The following ADGRV1 variants were observed in gnomAD, a reference collection of about 807,000 sequenced individuals.
ADGRV1 encodes the protein G-protein coupled receptor 98.
In ADGRV1, 359 loss-of-function variants were observed where a neutral mutation model predicts 596.2. The ratio of observed to expected loss-of-function variants is 0.60; its 90% confidence interval spans 0.55 to 0.66. The LOEUF (loss-of-function observed/expected upper bound fraction) is 0.66, where lower values mean the gene tolerates loss of function less well. ADGRV1 is among the 30% of genes least tolerant of loss of function. The pLI, the probability that ADGRV1 is intolerant of heterozygous loss-of-function variation, is 0.00. For synonymous variants in ADGRV1, 2,681 were observed against 2,679.2 expected (o/e 1.00, Z -0.02); for missense variants, 7,274 against 7,575.6 (o/e 0.96, Z 1.48).
intron 85 of ADGRV1, among the ~76,000 whole-genome samples, chr5:91,023,299 T>C (rs950233082): frequency 7.2e-5 from 11 of 152,076 alleles, no homozygotes; most frequent in African/African-American, 2.7e-4. Context: ...AAGATTAATC[T>C]GCAGCTATTC....
rs1295768594 is a variant in ADGRV1, at chr5:90,716,803, A to T, written c.9447+74A>T. On this transcript the variant is annotated intron_variant, in intron 43 of 89. Coordinates refer to ENST00000405460, the MANE Select transcript of ADGRV1 (RefSeq NM_032119.4). ...CAAAATAAATTTCTCTTAGATGAGC[A>T]CTCAAGTCCTAGAATGAAAAAACAA... 2.8e-6 allele frequency: 3 copies of T among 1,074,270 alleles called. No homozygotes were observed. In the East Asian group the frequency reaches 7.1e-5, roughly 26 times the overall value. The allele number at this position is 1,074,270 out of a possible 1,614,324, so 66.5% of individuals were successfully genotyped here.
intron 1 of ADGRV1, among the ~76,000 whole-genome samples, chr5:90,581,699 T>C (rs1427163918): frequency 3.3e-5 from 5 of 152,196 alleles, no homozygotes; most frequent in Non-Finnish European, 7.3e-5. Context: ...CACACGGGGC[T>C]CTGGCACCCA....
chr5:90,897,343 C>T (rs1771429301), intron 83 of ADGRV1, among the ~76,000 whole-genome samples: 1 of 152,048 alleles, frequency 6.6e-6, no homozygotes, highest in Admixed American at 6.5e-5. Flanking sequence ...AGATTTTTTA[C>T]CCTTACCTGC....
intron 85 of ADGRV1, among the ~76,000 whole-genome samples, 155 bp from the exon 86 acceptor site, chr5:91,072,292 T>A (rs956619651): frequency 6.6e-6 from 1 of 152,184 alleles, no homozygotes; most frequent in African/African-American, 2.4e-5. Context: ...TCAGATGTTG[T>A]ACTCAAACAA....
chr5:90,692,614 G>T lies in ADGRV1; in HGVS notation c.6961G>T (p.Val2321Leu). Residue 2321 changes from valine to leucine, a missense_variant, in exon 32 of 90, where the codon GTG becomes TTG. This residue lies in a region of ADGRV1 where 3,643 missense variants were observed against 3,809.2 expected (regional missense o/e 0.96). Transcript: ENST00000405460. ...DVPEIEEVIQ[V>L]QLTDASGGGT... ...TTCACTGTATTTTTAGGTTATCCAA[G>T]TGCAACTAACTGATGCCTCTGGTGG... 1 of 1,606,938 alleles carries T rather than the reference G, an allele frequency of 6.2e-7. No homozygotes were observed.
intron 86 of ADGRV1, among the ~76,000 whole-genome samples, chr5:91,090,371 A>G (rs1030144416): frequency 3.9e-5 from 6 of 152,082 alleles, no homozygotes; most frequent in African/African-American, 1.4e-4. Context: ...AAAATTATAT[A>G]TAGCTTTTGC....
intron 78 of ADGRV1, among the ~76,000 whole-genome samples, chr5:90,842,653 G>C (rs1765534098): frequency 6.6e-6 from 1 of 152,098 alleles, no homozygotes; most frequent in South Asian, 2.1e-4. Flanking sequence ...AGGAGGTGGA[G>C]GTTGCAGTGA....
intron 87 of ADGRV1, among the ~76,000 whole-genome samples, chr5:91,123,760 A>G (rs974812932): frequency 2.6e-5 from 4 of 152,204 alleles, no homozygotes; most frequent in African/African-American, 7.2e-5. Flanking sequence ...TAATTTATCT[A>G]TTCTGTTGCA....
chr5:90,585,998 T>C (rs921260599), intron 1 of ADGRV1, among the ~76,000 whole-genome samples: 2 of 152,218 alleles, frequency 1.3e-5, no homozygotes, highest in Non-Finnish European at 2.9e-5. Context: ...ACAATAACTC[T>C]TTCTCCAGCT....
At chr5:91,052,244 C>A (rs568575044) in intron 85 of ADGRV1, among the ~76,000 whole-genome samples, 47 of 151,006 alleles carry the variant, frequency 3.1e-4, no homozygotes, top group African/African-American at 1.1e-3. Context: ...GACATCAAAT[C>A]TTAGGTTGTG....
chr5:90,670,722 A>G (rs1772334941), intron 21 of ADGRV1, among the ~76,000 whole-genome samples: 1 of 152,198 alleles, frequency 6.6e-6, no homozygotes, highest in Non-Finnish European at 1.5e-5. Context: ...CTGAATGTCC[A>G]AACAGCAAGC....
At chr5:91,079,414 G>GA (rs1562189345) in intron 86 of ADGRV1, among the ~76,000 whole-genome samples, 1 of 152,090 alleles carries the variant, frequency 6.6e-6, no homozygotes, top group African/African-American at 2.4e-5. Context: ...CTCAATCCTC[G>GA]AAGATTCATA....
intron 26 of ADGRV1, among the ~76,000 whole-genome samples, chr5:90,679,857 A>G (rs1744708559): frequency 6.6e-6 from 1 of 152,136 alleles, no homozygotes; most frequent in East Asian, 1.9e-4. Flanking sequence ...TCCAAAACCC[A>G]GACTCTCCTT....
chr5:90,851,134 T>TGTGTGTGTGTGTGTGTGAGAGAGA (rs757909771), intron 79 of ADGRV1, among the ~76,000 whole-genome samples: 25 of 81,504 alleles, frequency 3.1e-4, no homozygotes, highest in Non-Finnish European at 5.8e-4. Flanking sequence ...TGTGTGTGTG[T>TGTGTGTGTGTGTGTGTGAGAGAGA]GAGAGAGAGA....
At chr5:90,818,915 T>A (rs1011359607) in intron 75 of ADGRV1, among the ~76,000 whole-genome samples, 2 of 150,556 alleles carry the variant, frequency 1.3e-5, no homozygotes, top group African/African-American at 4.9e-5. Context: ...GGTATCAGAA[T>A]GATGCTGGCC....
intron 38 of ADGRV1, among the ~76,000 whole-genome samples, chr5:90,707,537 T>A (rs548915491): frequency 3.2e-4 from 48 of 152,290 alleles, no homozygotes; most frequent in Non-Finnish European, 6.0e-4. Context: ...TGACCTAATA[T>A]AACAGTATAA....
chr5:91,064,052 G>T (rs956962170), intron 85 of ADGRV1, among the ~76,000 whole-genome samples: 15 of 152,134 alleles, frequency 9.9e-5, no homozygotes, highest in African/African-American at 2.7e-4. Flanking sequence ...TTTAAATGTT[G>T]ATTGGATTAT....
chr5:90,790,628 T>C (rs757791819), intron 69 of ADGRV1, among the ~76,000 whole-genome samples: 44 of 152,318 alleles, frequency 2.9e-4, no homozygotes, highest in Non-Finnish European at 5.0e-4. Context: ...TCCCTTCAAA[T>C]TGTGCTGTTA....
rs778777649 is a variant in ADGRV1, at chr5:90,690,987, C to T, written c.6897C>T (p.Thr2299=). Residue 2299 remains threonine, a synonymous_variant, in exon 31 of 90, where the codon ACC becomes ACT. Coordinates refer to ENST00000405460, the MANE Select transcript of ADGRV1 (RefSeq NM_032119.4). The part of the protein sequence containing the change: ...SGNVTFAPGE[T]IQTLLLEVLA... ...ATGTGACCTTTGCCCCTGGGGAAAC[C>T]ATTCAAACCTTGTTGTTAGAGGTCC... The T allele has an allele frequency of 1.2e-6, 2 of 1,613,790 alleles. No homozygotes were observed. Among genetic ancestry groups the T allele is most frequent in the South Asian group, 1.1e-5 (1 of 91,080 alleles).
Sources: gnomAD v4.1 joint callset for allele counts (sites outside exome capture counted in the v4.1 genomes callset) on GRCh38, gnomAD v4.1.1 for gene constraint, gnomAD v4.1.1 regional missense constraint, MANE v1.5 for transcripts, NCBI Gene and HGNC (gene_info 2026-07-23, HGNC 2026-07-21) for gene names.